Variants in ZNF407 observed in about 807,000 individuals in gnomAD.
The protein encoded by ZNF407 is zinc finger protein 407.
In ZNF407, 17 loss-of-function variants were observed where a neutral mutation model predicts 131.2. The observed-to-expected ratio is 0.13, with a 90% CI of 0.09 to 0.19. ZNF407 has a LOEUF of 0.19. Ranked by LOEUF, ZNF407 falls within the 10% of genes least tolerant of loss-of-function variation. The pLI, the probability that ZNF407 is intolerant of heterozygous loss-of-function variation, is 1.00. For missense variants in ZNF407, 2,681 were observed against 2,830.6 expected (o/e 0.95, Z 1.20); for synonymous variants, 1,156 against 1,062.0 (o/e 1.09, Z -1.72).
chr18:75,014,842 T>G (rs1973024655), intron 8 of ZNF407, among the ~76,000 whole-genome samples: 1 of 152,116 alleles, frequency 6.6e-6, no homozygotes, highest in African/African-American at 2.4e-5. Flanking sequence ...GAATAGAAAG[T>G]CAGCTTGTAG....
chr18:75,044,913 A>G (rs1973415617), intron 8 of ZNF407, among the ~76,000 whole-genome samples: 1 of 152,144 alleles, frequency 6.6e-6, no homozygotes, highest in African/African-American at 2.4e-5. Flanking sequence ...CATACTCCAC[A>G]CTCAGTTTAA....
intron 4 of ZNF407, among the ~76,000 whole-genome samples, chr18:74,800,850 T>A (rs1252760967): frequency 2.0e-5 from 3 of 152,158 alleles, no homozygotes; most frequent in Non-Finnish European, 2.9e-5. Context: ...ATTTGCCCTA[T>A]CACTGATAAC....
At chr18:74,906,038 T>C (rs575694651) in intron 7 of ZNF407, 1 of 153,280 alleles carries the variant, frequency 6.5e-6, no homozygotes, top group Non-Finnish European at 1.5e-5. Flanking sequence ...CATTTACCAG[T>C]TTTGTACGTT....
chr18:74,982,444 C>G (rs1160037449), intron 8 of ZNF407, among the ~76,000 whole-genome samples: 1 of 152,172 alleles, frequency 6.6e-6, no homozygotes, highest in African/African-American at 2.4e-5. Flanking sequence ...TTATGGAATA[C>G]TTACCGAGTT....
chr18:74,849,686 C>T (rs1182176096), intron 4 of ZNF407, among the ~76,000 whole-genome samples: 1 of 152,184 alleles, frequency 6.6e-6, no homozygotes, highest in African/African-American at 2.4e-5. Context: ...GACAGTCATC[C>T]TTCCAGCGAT....
At chr18:74,903,529 T>C (rs1340755867) in intron 7 of ZNF407, among the ~76,000 whole-genome samples, 3 of 101,014 alleles carry the variant, frequency 3.0e-5, no homozygotes, top group African/African-American at 1.1e-4. Flanking sequence ...CATTTTTCTG[T>C]TGTATTTCCT....
rs146227764 is a variant in ZNF407 at position 74,668,417 on chromosome 18, A to G, written c.4802+27295A>G. Among the ~76,000 whole-genome samples, 358 of 152,196 alleles carry G rather than the reference A, an allele frequency of 2.4e-3. 3 individuals are homozygous for G. The highest frequency in any genetic ancestry group is 7.8e-3 in the African/African-American group (322 of 41,512). On this transcript the variant is annotated intron_variant, in intron 3 of 8. Coordinates refer to ENST00000299687, the MANE Select transcript of ZNF407 (RefSeq NM_017757.3). ...TTGTACTAAAAAATAAATAATTTCT[A>G]TTTTCTTGAAGTTTATACCTAATGA...
intron 3 of ZNF407, among the ~76,000 whole-genome samples, chr18:74,644,337 TGAGA>T (rs1287750959): frequency 2.6e-5 from 4 of 151,774 alleles, no homozygotes; most frequent in South Asian, 2.1e-4. Flanking sequence ...TAGGGCTTAG[TGAGA>T]GAGAAAGTAA....
intron 3 of ZNF407, among the ~76,000 whole-genome samples, chr18:74,695,339 C>T (rs75990953): frequency 0.01 from 1,527 of 152,268 alleles, 18 homozygotes; most frequent in South Asian, 0.025. Context: ...TACCCTGCTT[C>T]GTTCTTCTCG....
chr18:74,712,304 T>A (rs927271458), intron 3 of ZNF407, among the ~76,000 whole-genome samples: 1 of 152,202 alleles, frequency 6.6e-6, no homozygotes, highest in Non-Finnish European at 1.5e-5. Context: ...ATTAGAAAAA[T>A]GCTGCTTCTT....
chr18:75,058,752 A>ATTT (rs1973590830), intron 8 of ZNF407, among the ~76,000 whole-genome samples: 1 of 152,222 alleles, frequency 6.6e-6, no homozygotes, highest in Non-Finnish European at 1.5e-5. Context: ...AAGAGCTCAA[A>ATTT]ACTGGAGGTC....
chr18:74,631,221 A>G lies in ZNF407; in HGVS notation c.202A>G (p.Arg68Gly). The change falls in exon 2 of 9, where the codon AGA becomes GGA. Residue 68 changes from arginine (R) to glycine (G), a missense_variant. Arg to Gly is a moderately radical substitution (Grantham distance 125). Coordinates refer to ENST00000299687, the MANE Select transcript of ZNF407 (RefSeq NM_017757.3). ...NSDSVVIGED[R>G]NKHASKRRKL... Reference sequence around the variant, plus strand: ...TGATAGTGTTGTTATAGGAGAAGACAGAAATAAACATGCTTCCAAACGCAG... The same window carrying G: ...TGATAGTGTTGTTATAGGAGAAGACGGAAATAAACATGCTTCCAAACGCAG... 6.2e-7 allele frequency: 1 copy of G among 1,614,020 alleles called. No homozygotes were observed. The highest frequency in any genetic ancestry group is 8.5e-7 in the Non-Finnish European group (1 of 1,179,892).
chr18:74,728,095 T>A (rs537304025), intron 3 of ZNF407, among the ~76,000 whole-genome samples: 1 of 152,296 alleles, frequency 6.6e-6, no homozygotes, highest in South Asian at 2.1e-4. Flanking sequence ...AGGCTATATA[T>A]TCTTCTAATA....
chr18:74,683,049 A>AACT (rs1184840173), intron 3 of ZNF407, among the ~76,000 whole-genome samples: 1 of 152,148 alleles, frequency 6.6e-6, no homozygotes, highest in Non-Finnish European at 1.5e-5. Flanking sequence ...GTCCTTGCTA[A>AACT]ACTACTGGTT....
At chr18:74,656,193 A>G (rs1220296272) in intron 3 of ZNF407, among the ~76,000 whole-genome samples, 2 of 152,154 alleles carry the variant, frequency 1.3e-5, no homozygotes, top group Non-Finnish European at 2.9e-5. Context: ...AAATATTCAG[A>G]TGCATCTTTG....
intron 1 of ZNF407, among the ~76,000 whole-genome samples, chr18:74,617,104 C>T (rs1983341920): frequency 1.4e-5 from 2 of 145,898 alleles, no homozygotes; most frequent in Non-Finnish European, 3.0e-5. Context: ...CCAACACATC[C>T]ATATCCACAC....
At chr18:74,867,567 A>G (rs1971030949) in intron 4 of ZNF407, among the ~76,000 whole-genome samples, 1 of 152,218 alleles carries the variant, frequency 6.6e-6, no homozygotes, top group Admixed American at 6.5e-5. Context: ...TTTCCTCACC[A>G]GCATGAGTAT....
At chr18:74,660,928 GGA>G (rs1415104450) in intron 3 of ZNF407, among the ~76,000 whole-genome samples, 8 of 152,150 alleles carry the variant, frequency 5.3e-5, no homozygotes, top group Non-Finnish European at 1.2e-4. Flanking sequence ...CATTATTTTA[GGA>G]GACTGAAAAA....
rs143200911 is a variant in ZNF407, at chr18:74,612,670, C to A, written c.-54+14733C>A. 2.4e-3 allele frequency among the ~76,000 whole-genome samples: 363 copies of A among 152,324 alleles called. 1 individual carries two copies. Among genetic ancestry groups the A allele is most frequent in the Admixed American group, 5.7e-3 (87 of 15,308 alleles). On this transcript the variant is annotated intron_variant, in intron 1 of 8. Transcript: ENST00000299687. ...GCCAGGCACTGATATGAACACGTGA[C>A]ATACCGAGTTTATATGCCATTAAAT...
Sources: gnomAD v4.1 joint callset for allele counts (sites outside exome capture counted in the v4.1 genomes callset) on GRCh38, gnomAD v4.1.1 for gene constraint, MANE v1.5 for transcripts, NCBI Gene and HGNC (gene_info 2026-07-23, HGNC 2026-07-21) for gene names.